NUP50: variants seen among roughly 807,000 people sequenced by gnomAD.
The protein encoded by NUP50 is nucleoporin 50, also known as nuclear pore complex protein Nup50.
A neutral mutation model predicts 36.8 loss-of-function variants in NUP50; 14 were observed. The ratio of observed to expected loss-of-function variants is 0.38; its 90% CI spans 0.25 to 0.59. NUP50 has a LOEUF of 0.59. Among genes scored for constraint, NUP50 ranks in the 20% least tolerant of loss-of-function variants. The probability of loss-of-function intolerance (pLI) is 0.63; values close to 1 mark genes in which losing one functional copy is unlikely to be tolerated. For synonymous variants in NUP50, 195 were observed against 210.8 expected, an observed-to-expected ratio of 0.93 and a Z score of 0.65; for missense variants, 455 against 564.6, an observed-to-expected ratio of 0.81 and a Z score of 1.97.
chr22:45,178,157 A>G (rs988984617), intron 4 of NUP50, 81 bp from the exon 5 acceptor site: 1 of 1,260,580 alleles, frequency 7.9e-7, no homozygotes, highest in Non-Finnish European at 1.1e-6. Flanking sequence ...AGCAGAAAGT[A>G]TGAAGGCAGA....
intron 1 of NUP50, among the ~76,000 whole-genome samples, chr22:45,166,963 G>A (rs2074104386): frequency 6.6e-6 from 1 of 152,186 alleles, no homozygotes; most frequent in Non-Finnish European, 1.5e-5. Context: ...CAGCCCGTAT[G>A]TAATTACTCC....
At chr22:45,183,375 G>A (rs774224974) in intron 6 of NUP50, 27 bp from the exon 7 acceptor site, 1 of 1,319,340 alleles carries the variant, frequency 7.6e-7, no homozygotes, top group African/African-American at 1.5e-5. Context: ...TTGAATGCTT[G>A]ATGGTCCCTA....
intron 3 of NUP50, among the ~76,000 whole-genome samples, chr22:45,174,658 T>G (rs1342851131): frequency 2.1e-4 from 31 of 149,706 alleles, no homozygotes; most frequent in Admixed American, 1.9e-3. Flanking sequence ...AGCCACTTAA[T>G]GGCTTTATAG....
chr22:45,174,525 T>A (rs542738178), intron 3 of NUP50, among the ~76,000 whole-genome samples: 73 of 152,074 alleles, frequency 4.8e-4, no homozygotes, highest in Non-Finnish European at 9.3e-4. Context: ...TCTGAATATC[T>A]TTTTTTTGTT....
In NUP50 at chr22:45,187,408, T is replaced by C. The variant is rs1238472301; in HGVS notation, c.*2753T>C. The C allele has an allele frequency of 7.1e-6, 1 of 141,498 alleles. No homozygotes were observed. Among genetic ancestry groups the C allele is most frequent in the Admixed American group, 6.9e-5 (1 of 14,576 alleles). The allele number at this position is 141,498 out of a possible 1,614,324, so 8.8% of individuals were successfully genotyped here. On this transcript the variant is annotated 3_prime_UTR_variant, in exon 8 of 8. Transcript: ENST00000347635. The stretch of plus-strand genomic sequence containing the variant: ...TCAATTCTAGATCACATTTTATATA[T>C]GCTGCATGCCAAAAAAAAAAAAAAG...
Position 45,187,016 on chromosome 22 carries a change from T to C in NUP50, c.*2361T>C, listed in dbSNP as rs1362999481. ...TTATTTTTAACAAAATATTAGAAGTTATGCTTTAAAATGTTTAATGTGGAC... is the reference window on the plus strand; with the variant it reads ...TTATTTTTAACAAAATATTAGAAGTCATGCTTTAAAATGTTTAATGTGGAC... On this transcript the variant is annotated 3_prime_UTR_variant, in exon 8 of 8. Transcript: ENST00000347635. 6.6e-6 allele frequency: 1 copy of C among 152,240 alleles called. No individual in the cohort carries two copies. The highest frequency in any genetic ancestry group is 1.5e-5 in the Non-Finnish European group (1 of 68,048). The allele number at this position is 152,240 out of a possible 1,614,324, so 9.4% of individuals were successfully genotyped here.
In NUP50 at chr22:45,184,736, T is replaced by C. The variant is rs1010633576; in HGVS notation, c.*81T>C. On this transcript the variant is annotated 3_prime_UTR_variant, in exon 8 of 8. Coordinates refer to ENST00000347635, the MANE Select transcript of NUP50 (RefSeq NM_007172.4). ...TTAAAGTTAGTCAGTTTTTCTTCTC[T>C]TCTTTGACATTCTAAGAACTTATAG... 13 of 996,106 alleles carry C rather than the reference T, an allele frequency of 1.3e-5. No homozygotes were observed. In the African/African-American group the frequency reaches 1.8e-4, roughly 13 times the overall value. 61.7% of individuals were successfully genotyped at this position (996,106 alleles called of 1,614,324 possible).
chr22:45,170,858 C>T (rs948546850), intron 2 of NUP50: 2 of 457,626 alleles, frequency 4.4e-6, no homozygotes, highest in South Asian at 4.2e-5. Context: ...TAGTTAAGTA[C>T]ATTTAACTTG....
Position 45,171,690 on chromosome 22 carries a change from G to T in NUP50, c.153+7G>T. On this transcript the variant is annotated splice_region_variant and intron_variant, in intron 3 of 7. Transcript: ENST00000347635. ...CAGAAATGTTGGATTTGAAGTGAGT[G>T]CCCCCTTACAGCTCTTGCTATTAAA... is the stretch of plus-strand genomic sequence containing the variant. 6.2e-7 allele frequency: 1 copy of T among 1,611,608 alleles called. No homozygotes were observed. Among genetic ancestry groups the T allele is most frequent in the Non-Finnish European group, 8.5e-7 (1 of 1,177,704 alleles).
chr22:45,170,312 C>A (rs766075193), intron 2 of NUP50, among the ~76,000 whole-genome samples: 1 of 150,264 alleles, frequency 6.7e-6, no homozygotes, highest in Non-Finnish European at 1.5e-5. Flanking sequence ...TTATTTCTTA[C>A]AATCTCTGTT....
chr22:45,187,191 G>T lies in NUP50; in HGVS notation c.*2536G>T, dbSNP rs1283362371. On this transcript the variant is annotated 3_prime_UTR_variant, in exon 8 of 8. Transcript: ENST00000347635. ...CTTTTTTTTTTTTTTTTTAAAACCT[G>T]TGTATCCATCTCATCCTTTTGCGCA... The T allele has an allele frequency of 2.2e-5, 3 of 136,946 alleles. No individual in the cohort carries two copies. Among genetic ancestry groups the T allele is most frequent in the Admixed American group, 7.4e-5 (1 of 13,424 alleles). The allele number at this position is 136,946 out of a possible 1,614,324, so 8.5% of individuals were successfully genotyped here.
In NUP50 at chr22:45,187,691, G is replaced by C. The variant is rs374381586; in HGVS notation, c.*3036G>C. On this transcript the variant is annotated 3_prime_UTR_variant, in exon 8 of 8. Transcript: ENST00000347635. ...ATTTGAGTAGATACTGATTTGTCCC[G>C]TAGTATGGCAGATGACAGGGAGGTC... 1 of 152,188 alleles carries C rather than the reference G, an allele frequency of 6.6e-6. No individual in the cohort carries two copies. Among genetic ancestry groups the C allele is most frequent in the African/African-American group, 2.4e-5 (1 of 41,432 alleles). 9.4% of individuals were successfully genotyped at this position (152,188 alleles called of 1,614,324 possible).
Position 45,174,171 on chromosome 22 carries a change from T to G in NUP50, c.154-1723T>G, listed in dbSNP as rs538348278. On this transcript the variant is annotated intron_variant, in intron 3 of 7. Coordinates refer to ENST00000347635, the MANE Select transcript of NUP50 (RefSeq NM_007172.4). ...GTCAGTGCCCATGGAGGAGCCCACA[T>G]GGGTATTTTCCCTTTTTTTTTTTTT... is the stretch of plus-strand genomic sequence containing the variant. Among the ~76,000 whole-genome samples, 14 of 136,148 alleles carry G rather than the reference T, an allele frequency of 1.0e-4. 1 individual carries two copies. In the South Asian group the frequency reaches 2.7e-3, roughly 27 times the overall value. The allele number at this position is 136,148 out of a possible 152,430, so 89.3% of individuals were successfully genotyped here.
chr22:45,164,045 C>G lies in NUP50; in HGVS notation c.-262C>G, dbSNP rs567397956. On this transcript the variant is annotated 5_prime_UTR_variant, in exon 1 of 8. Coordinates refer to ENST00000347635, the MANE Select transcript of NUP50 (RefSeq NM_007172.4). Reference sequence around the variant, plus strand: ...CCCGGAGCGTGTTCGGCGCGGTTCCCCCAGCTGTCTCTGGCTGAACCGGCG... The same window carrying G: ...CCCGGAGCGTGTTCGGCGCGGTTCCGCCAGCTGTCTCTGGCTGAACCGGCG... The G allele has an allele frequency of 6.6e-6, 1 of 152,284 alleles. No homozygotes were observed. The highest frequency in any genetic ancestry group is 2.4e-5 in the African/African-American group (1 of 41,470). 9.4% of individuals were successfully genotyped at this position (152,284 alleles called of 1,614,324 possible).
In NUP50 at chr22:45,185,033, A is replaced by G. The variant is rs542761546; in HGVS notation, c.*378A>G. 2.8e-5 allele frequency: 8 copies of G among 285,026 alleles called. No homozygotes were observed. The Admixed American group carries it at 3.1e-4, about 11-fold the overall frequency. The allele number at this position is 285,026 out of a possible 1,614,324, so 17.7% of individuals were successfully genotyped here. A position where few individuals can be genotyped will look rare whatever the true frequency, so the allele number is the denominator to read the frequency against. On this transcript the variant is annotated 3_prime_UTR_variant, in exon 8 of 8. Transcript: ENST00000347635. ...CCGCCACCACGAGAGAGGCTTTTGA[A>G]CAGGTGCCTGGCTGTGTTCAGAAGG...
chr22:45,172,116 T>C (rs2074204917), intron 3 of NUP50: 1 of 161,406 alleles, frequency 6.2e-6, no homozygotes, highest in African/African-American at 2.4e-5. Flanking sequence ...AAATGATTCA[T>C]TCCTGTGCTA....
At chr22:45,177,652 C>T (rs1166603673) in intron 4 of NUP50, 3 of 152,906 alleles carry the variant, frequency 2.0e-5, no homozygotes, top group African/African-American at 7.2e-5. Flanking sequence ...CTCGACGCGC[C>T]CGATCACATC....
rs565139658 is a variant in NUP50 at position 45,163,977 on chromosome 22, T to G, written c.-330T>G. ...GCGGGCGTTTCTTTCCTCCCTTTTT[T>G]TCGAATTGGTTTTGGGGGTAGATTC... On this transcript the variant is annotated 5_prime_UTR_variant, in exon 1 of 8. Transcript: ENST00000347635. 1 of 152,234 alleles carries G rather than the reference T, an allele frequency of 6.6e-6. No individual in the cohort carries two copies. The highest frequency in any genetic ancestry group is 1.5e-5 in the Non-Finnish European group (1 of 68,038). The allele number at this position is 152,234 out of a possible 1,614,324, so 9.4% of individuals were successfully genotyped here. A position where few individuals can be genotyped will look rare whatever the true frequency, so the allele number is the denominator to read the frequency against.
In NUP50 at chr22:45,186,168, A is replaced by C. The variant is rs1022329409; in HGVS notation, c.*1513A>C. ...GCTCTACTTCCAGTGTTTTGATTCC[A>C]CTGGGAGAATTTGGCCTAGTGTGTG... On this transcript the variant is annotated 3_prime_UTR_variant, in exon 8 of 8. Transcript: ENST00000347635. The C allele has an allele frequency of 6.6e-6, 1 of 152,206 alleles. No homozygotes were observed. Among genetic ancestry groups the C allele is most frequent in the Non-Finnish European group, 1.5e-5 (1 of 68,050 alleles). The allele number at this position is 152,206 out of a possible 1,614,324, so 9.4% of individuals were successfully genotyped here. A position where few individuals can be genotyped will look rare whatever the true frequency, so the allele number is the denominator to read the frequency against.
Sources: allele counts gnomAD v4.1 joint callset (sites outside exome capture counted in the v4.1 genomes callset), GRCh38; gene constraint gnomAD v4.1.1; transcripts MANE v1.5; gene names NCBI Gene and HGNC (gene_info 2026-07-23, HGNC 2026-07-21).